PIK3CB: variants seen among roughly 807,000 people sequenced by gnomAD.
PIK3CB encodes the protein phosphatidylinositol-4,5-bisphosphate 3-kinase catalytic subunit beta, also known as phosphatidylinositol 4,5-bisphosphate 3-kinase catalytic subunit beta isoform.
In PIK3CB, 39 loss-of-function variants were observed where a neutral mutation model predicts 136.8. That is an observed-to-expected ratio of 0.29 (90% CI 0.22 to 0.37). PIK3CB has a LOEUF of 0.37. PIK3CB is among the 10% of genes least tolerant of loss of function. The pLI is 1.00. For missense variants in PIK3CB, 868 were observed against 1,275.4 expected, an observed-to-expected ratio of 0.68 and a Z score of 4.87; for synonymous variants, 428 against 436.6, an observed-to-expected ratio of 0.98 and a Z score of 0.25.
At chr3:138,719,895 C>T (rs1434654527) in intron 8 of PIK3CB, among the ~76,000 whole-genome samples, 1 of 151,118 alleles carries the variant, frequency 6.6e-6, no homozygotes, top group Non-Finnish European at 1.5e-5. Flanking sequence ...GCTCTGCAAA[C>T]ACTGACAAAA....
intron 8 of PIK3CB, among the ~76,000 whole-genome samples, chr3:138,728,779 C>CA (rs71146138): frequency 6.8e-4 from 73 of 107,182 alleles, no homozygotes; most frequent in African/African-American, 1.9e-3. Context: ...GACTCCGTCT[C>CA]AAAAAAAAAA....
chr3:138,698,664 C>A (rs947331155), intron 13 of PIK3CB, among the ~76,000 whole-genome samples: 4 of 152,040 alleles, frequency 2.6e-5, no homozygotes, highest in Non-Finnish European at 2.9e-5. Context: ...AGATAATTGT[C>A]CCAAGATCAA....
At chr3:138,765,846 G>A (rs945146316) in intron 2 of PIK3CB, among the ~76,000 whole-genome samples, 1 of 152,036 alleles carries the variant, frequency 6.6e-6, no homozygotes, top group Non-Finnish European at 1.5e-5. Context: ...AGAGTGAGAC[G>A]GAAGGAAGAG....
intron 1 of PIK3CB, among the ~76,000 whole-genome samples, chr3:138,833,216 G>A (rs1282074900): frequency 1.3e-5 from 2 of 151,526 alleles, no homozygotes; most frequent in Non-Finnish European, 2.9e-5. Flanking sequence ...ACAAGCGCCC[G>A]CCACCACGCC....
intron 10 of PIK3CB, among the ~76,000 whole-genome samples, chr3:138,708,964 A>G (rs575245595): frequency 6.6e-6 from 1 of 152,022 alleles, no homozygotes; most frequent in Admixed American, 6.6e-5. Context: ...CTGTGTGTAT[A>G]GGGAGACAGA....
At position 138,752,222 on chromosome 3, in the gene PIK3CB, G is replaced by GA. The variant is rs940191166; in HGVS notation, c.397+3531dup. 2.3e-3 allele frequency among the ~76,000 whole-genome samples: 335 copies of GA among 147,814 alleles called. 1 individual carries two copies. Among genetic ancestry groups the GA allele is most frequent in the Non-Finnish European group, 2.9e-3 (191 of 66,606 alleles). On this transcript the variant is annotated intron_variant, in intron 4 of 23. Transcript: ENST00000674063. The stretch of plus-strand genomic sequence containing the variant: ...TAAATAATTATTTGGAATAAACACA[G>GA]AAAAAAAAAAGATTAGCCACATCAT...
chr3:138,825,517 C>T, intron 1 of PIK3CB: 1 of 675,130 alleles, frequency 1.5e-6, no homozygotes, highest in South Asian at 1.8e-5. Flanking sequence ...AGCATTTGTG[C>T]CAACTTCTGG....
In PIK3CB at chr3:138,692,739, C is replaced by G. The variant is rs1559818518; in HGVS notation, c.1893-1596G>C. On this transcript the variant is annotated intron_variant, in intron 14 of 23. Transcript: ENST00000674063. ...TAAAAAGAAAAAAGGATCATAGTATCCACACTATTTTGTGGGCTTTTATGT... is the reference window on the plus strand; with the variant it reads ...TAAAAAGAAAAAAGGATCATAGTATGCACACTATTTTGTGGGCTTTTATGT... Among the ~76,000 whole-genome samples the G allele has an allele frequency of 3.9e-5, 6 of 152,256 alleles. No homozygotes were observed. The South Asian group carries it at 1.2e-3, about 32-fold the overall frequency.
intron 4 of PIK3CB, among the ~76,000 whole-genome samples, chr3:138,749,175 T>C (rs2045420988): frequency 6.6e-6 from 1 of 152,164 alleles, no homozygotes; most frequent in Non-Finnish European, 1.5e-5. Context: ...TCACAGGCAA[T>C]AGGTATTACA....
intron 2 of PIK3CB, among the ~76,000 whole-genome samples, chr3:138,785,768 T>C (rs935576735): frequency 6.6e-6 from 1 of 150,396 alleles, no homozygotes; most frequent in Non-Finnish European, 1.5e-5. Flanking sequence ...ACTATTGTCC[T>C]ATGACCCTGC....
At chr3:138,791,903 T>C (rs1426151399) in intron 2 of PIK3CB, among the ~76,000 whole-genome samples, 1 of 152,176 alleles carries the variant, frequency 6.6e-6, no homozygotes, top group Non-Finnish European at 1.5e-5. Context: ...TTAATGACAA[T>C]GGCAAACAAG....
At chr3:138,785,825 TAA>T (rs1039124528) in intron 2 of PIK3CB, among the ~76,000 whole-genome samples, 8 of 117,138 alleles carry the variant, frequency 6.8e-5, no homozygotes, top group African/African-American at 1.5e-4. Context: ...AATAAATACT[TAA>T]AAAAAAAAAA....
chr3:138,660,646 T>C (rs533892065), intron 21 of PIK3CB, among the ~76,000 whole-genome samples: 2 of 152,306 alleles, frequency 1.3e-5, no homozygotes, highest in South Asian at 4.1e-4. Flanking sequence ...ATGGCAACTA[T>C]AGTTAACAAC....
intron 19 of PIK3CB, among the ~76,000 whole-genome samples, chr3:138,674,192 T>C (rs988369663): frequency 2.8e-4 from 42 of 151,954 alleles, no homozygotes; most frequent in Non-Finnish European, 1.8e-4. Context: ...ATGGATACTA[T>C]TGTGGATTCC....
chr3:138,752,297 A>C (rs181415277), intron 4 of PIK3CB, among the ~76,000 whole-genome samples: 5 of 152,306 alleles, frequency 3.3e-5, no homozygotes, highest in Non-Finnish European at 7.4e-5. Context: ...ACGTCTCTAA[A>C]GGTTCTATTG....
At chr3:138,723,929 C>A (rs1304020102) in intron 8 of PIK3CB, among the ~76,000 whole-genome samples, 1 of 152,134 alleles carries the variant, frequency 6.6e-6, no homozygotes, top group African/African-American at 2.4e-5. Flanking sequence ...AATTTCCCAG[C>A]CTTGATCATT....
chr3:138,803,558 T>C lies in PIK3CB; in HGVS notation c.-121-6991A>G, dbSNP rs116284367. On this transcript the variant is annotated intron_variant, in intron 1 of 23. Coordinates refer to ENST00000674063, the MANE Select transcript of PIK3CB (RefSeq NM_006219.3). ...CAAATATATCTAGATTGTTCATTAA[T>C]TGGATATATGCAGCAGCACGTGGGC... is the stretch of plus-strand genomic sequence containing the variant. 2.8e-3 allele frequency among the ~76,000 whole-genome samples: 421 copies of C among 152,296 alleles called. 6 individuals carry two copies. The highest frequency in any genetic ancestry group is 9.7e-3 in the African/African-American group (403 of 41,552).
intron 1 of PIK3CB, among the ~76,000 whole-genome samples, chr3:138,819,693 C>CCAGG (rs1330949582): frequency 9.9e-5 from 15 of 152,152 alleles, no homozygotes; most frequent in Admixed American, 2.6e-4. Context: ...CCTAAGTAGG[C>CCAGG]CAGGCATGGT....
intron 14 of PIK3CB, among the ~76,000 whole-genome samples, chr3:138,694,394 C>T (rs2044091555): frequency 6.6e-6 from 1 of 152,094 alleles, no homozygotes; most frequent in Non-Finnish European, 1.5e-5. Context: ...TTTGGGGTGA[C>T]TTCACTGGAA....
Sources: allele counts gnomAD v4.1 joint callset (sites outside exome capture counted in the v4.1 genomes callset), GRCh38; gene constraint gnomAD v4.1.1; transcripts MANE v1.5; gene names NCBI Gene and HGNC (gene_info 2026-07-23, HGNC 2026-07-21).